The following GDF6 variants were observed in gnomAD, a reference collection of about 807,000 sequenced individuals.
The protein encoded by GDF6 is growth/differentiation factor 6.
In GDF6, 3 loss-of-function variants were observed where a neutral mutation model predicts 32.4. The observed-to-expected ratio is 0.09, with a 90% confidence interval of 0.04 to 0.24. GDF6 has a LOEUF of 0.24. Ranked by LOEUF, GDF6 falls within the 10% of genes least tolerant of loss-of-function variation. GDF6 has a pLI of 1.00. For missense variants in GDF6, 589 were observed against 637.9 expected (o/e 0.92, Z 0.83); for synonymous variants, 296 against 295.3 (o/e 1.00, Z -0.03).
At chr8:96,154,086 A>G (rs1812617073) in intron 1 of GDF6, among the ~76,000 whole-genome samples, 1 of 151,992 alleles carries the variant, frequency 6.6e-6, no homozygotes, top group African/African-American at 2.4e-5. Flanking sequence ...CTGGGCTCCT[A>G]TGTTATTAAG....
chr8:96,145,660 C>A lies in GDF6; in HGVS notation c.407-136G>T, dbSNP rs1586119035. ...GCAGTCCAGCTTGCCCGGCCCAGGG[C>A]CTGACCACCCCGGCTCCCCATCTGG... On this transcript the variant is annotated intron_variant, in intron 1 of 1. Transcript: ENST00000287020. The surrounding 1 kb of genome is among the most constrained non-coding windows in gnomAD (Gnocchi z 5.6). 9.0e-6 allele frequency: 9 copies of A among 994,496 alleles called. No individual in the cohort carries two copies. Among genetic ancestry groups the A allele is most frequent in the South Asian group, 8.5e-5 (6 of 70,256 alleles). The allele number at this position is 994,496 out of a possible 1,614,324, so 61.6% of individuals were successfully genotyped here. A position where few individuals can be genotyped will look rare whatever the true frequency, so the allele number is the denominator to read the frequency against.
rs1247737934 is a variant in GDF6, at chr8:96,145,324, C to T, written c.607G>A (p.Asp203Asn). Reference sequence around the variant, plus strand: ...CCGGCCGGCGGCGCCCCCTGCGGGTCCAGGGTCCGCGCGTCCAGCAGTAGG... The same window carrying T: ...CCGGCCGGCGGCGCCCCCTGCGGGTTCAGGGTCCGCGCGTCCAGCAGTAGG... ...SPLLLDARTL[D>N]PQGAPPAGWE... The change falls in exon 2 of 2, where the codon GAC becomes AAC. Residue 203 changes from aspartate to asparagine, a missense_variant. By Grantham distance (23) the Asp-to-Asn change is conservative. Around this residue, in one of 2 missense-constraint regions of GDF6, gnomAD observed 436 missense variants for 411.2 expected, o/e 1.06. Transcript: ENST00000287020. This position sits in a 1 kb window ranked among gnomAD's most constrained non-coding sequence, Gnocchi z 5.6. 1 of 1,536,292 alleles carries T rather than the reference C, an allele frequency of 6.5e-7. No homozygotes were observed. Among genetic ancestry groups the T allele is most frequent in the South Asian group, 1.2e-5 (1 of 84,196 alleles).
chr8:96,154,400 AG>A (rs1466039579), intron 1 of GDF6, among the ~76,000 whole-genome samples: 3 of 152,250 alleles, frequency 2.0e-5, no homozygotes, highest in African/African-American at 7.2e-5. Flanking sequence ...CTGTCTTAGA[AG>A]GCAGAGAACT....
In GDF6 at chr8:96,145,648, C is replaced by G. The variant is rs1812466536; in HGVS notation, c.407-124G>C. On this transcript the variant is annotated intron_variant, in intron 1 of 1. Coordinates refer to ENST00000287020, the MANE Select transcript of GDF6 (RefSeq NM_001001557.4). The surrounding 1 kb of genome is among the most constrained non-coding windows in gnomAD (Gnocchi z 5.6). Reference sequence around the variant, plus strand: ...CAGGTCGGCCGGGCAGTCCAGCTTGCCCGGCCCAGGGCCTGACCACCCCGG... The same window carrying G: ...CAGGTCGGCCGGGCAGTCCAGCTTGGCCGGCCCAGGGCCTGACCACCCCGG... 1 of 1,199,632 alleles carries G rather than the reference C, an allele frequency of 8.3e-7. No individual in the cohort carries two copies. The highest frequency in any genetic ancestry group is 1.5e-5 in the African/African-American group (1 of 66,542). The allele number at this position is 1,199,632 out of a possible 1,614,324, so 74.3% of individuals were successfully genotyped here. A position where few individuals can be genotyped will look rare whatever the true frequency, so the allele number is the denominator to read the frequency against.
chr8:96,159,757 C>G (rs1812727813), intron 1 of GDF6, among the ~76,000 whole-genome samples: 1 of 152,254 alleles, frequency 6.6e-6, no homozygotes, highest in African/African-American at 2.4e-5. Context: ...AAAACCCGCG[C>G]GGCGCCAGGA....
chr8:96,150,265 T>C (rs1475392126), intron 1 of GDF6, among the ~76,000 whole-genome samples: 1 of 152,104 alleles, frequency 6.6e-6, no homozygotes, highest in East Asian at 1.9e-4. Context: ...GGATAGCTAC[T>C]GGCCAGGCGT....
rs1202415304 is a variant in GDF6 at position 96,143,199 on chromosome 8, TCA to T, written c.*1362_*1363del. On this transcript the variant is annotated 3_prime_UTR_variant, in exon 2 of 2. Coordinates refer to ENST00000287020, the MANE Select transcript of GDF6 (RefSeq NM_001001557.4). ...AGCTCAATGTAACACTTGGCTCTTT[TCA>T]CAGTTTCTCATTACTAAGTTTTAAA... The T allele has an allele frequency of 6.6e-6, 1 of 152,542 alleles. No homozygotes were observed. The highest frequency in any genetic ancestry group is 1.5e-5 in the Non-Finnish European group (1 of 68,050). 9.4% of individuals were successfully genotyped at this position (152,542 alleles called of 1,614,324 possible).
At chr8:96,151,560 G>T (rs1354939999) in intron 1 of GDF6, among the ~76,000 whole-genome samples, 1 of 152,114 alleles carries the variant, frequency 6.6e-6, no homozygotes, top group Non-Finnish European at 1.5e-5. Context: ...TGGAGGGAGG[G>T]CATCAATCCC....
intron 1 of GDF6, among the ~76,000 whole-genome samples, chr8:96,154,952 G>A (rs932230334): frequency 6.6e-6 from 1 of 152,204 alleles, no homozygotes; most frequent in Non-Finnish European, 1.5e-5. Flanking sequence ...CGTTCCCCGC[G>A]GGTCCAGGTG....
intron 1 of GDF6, among the ~76,000 whole-genome samples, chr8:96,150,109 T>C (rs888796090): frequency 3.9e-5 from 6 of 152,208 alleles, no homozygotes; most frequent in Non-Finnish European, 2.9e-5. Context: ...CTTTTGAAAG[T>C]CCTAGTTGGA....
intron 1 of GDF6, among the ~76,000 whole-genome samples, chr8:96,154,295 G>A (rs1009066934): frequency 6.6e-6 from 1 of 151,996 alleles, no homozygotes; most frequent in African/African-American, 2.4e-5. Flanking sequence ...CCCTAGGAAC[G>A]TTGTCCAGCG....
intron 1 of GDF6, among the ~76,000 whole-genome samples, chr8:96,148,951 A>G (rs1812526200): frequency 6.6e-6 from 1 of 152,202 alleles, no homozygotes. Context: ...AGCTCAGAGG[A>G]GGCATCCAAC....
chr8:96,147,966 T>C (rs1156697278), intron 1 of GDF6, among the ~76,000 whole-genome samples: 1 of 152,120 alleles, frequency 6.6e-6, no homozygotes, highest in Non-Finnish European at 1.5e-5. Flanking sequence ...TCATGCAATA[T>C]GGGGGAAATC....
chr8:96,148,322 C>T (rs1250155810), intron 1 of GDF6, among the ~76,000 whole-genome samples: 1 of 152,158 alleles, frequency 6.6e-6, no homozygotes, highest in Non-Finnish European at 1.5e-5. Flanking sequence ...GTTCGATCTA[C>T]CTTTGGGGGA....
In GDF6 at chr8:96,144,837, T is replaced by C. The variant is rs993039272; in HGVS notation, c.1094A>G (p.Glu365Gly). 1 of 1,614,022 alleles carries C rather than the reference T, an allele frequency of 6.2e-7. No individual in the cohort carries two copies. ...SKKPLHVNFK[E>G]LGWDDWIIAP... ...GATAATCCAGTCGTCCCAGCCCAGC[T>C]CCTTGAAGTTCACGTGCAGGGGCTT... Residue 365 changes from glutamate to glycine, a missense_variant, in exon 2 of 2, where the codon GAG becomes GGG. Around this residue, in one of 2 missense-constraint regions of GDF6, gnomAD observed 153 missense variants for 226.7 expected, o/e 0.67. Coordinates refer to ENST00000287020, the MANE Select transcript of GDF6 (RefSeq NM_001001557.4). The surrounding 1 kb of genome is among the most constrained non-coding windows in gnomAD (Gnocchi z 5.1).
chr8:96,151,768 T>C (rs1017033087), intron 1 of GDF6, among the ~76,000 whole-genome samples: 2 of 152,216 alleles, frequency 1.3e-5, no homozygotes, highest in South Asian at 2.1e-4. Flanking sequence ...GGAATGAGCA[T>C]AGGAATTTAA....
rs1454559961 is a variant in GDF6 at position 96,145,283 on chromosome 8, G to A, written c.648C>T (p.Asp216=). ...GCTGGTGGCGCAGGCCCTGCCACAC[G>A]TCGAAGACTTCCCAGCCGGCCGGCG... ...GAPPAGWEVF[D]VWQGLRHQPW... is the part of the protein sequence containing the mutation. Residue 216 remains aspartate, a synonymous_variant, in exon 2 of 2, where the codon GAC becomes GAT. Transcript: ENST00000287020. This position sits in a 1 kb window ranked among gnomAD's most constrained non-coding sequence, Gnocchi z 5.6. 6.5e-7 allele frequency: 1 copy of A among 1,528,794 alleles called. No individual in the cohort carries two copies. The highest frequency in any genetic ancestry group is 8.7e-7 in the Non-Finnish European group (1 of 1,144,016). The allele number at this position is 1,528,794 out of a possible 1,614,324, so 94.7% of individuals were successfully genotyped here.
intron 1 of GDF6, among the ~76,000 whole-genome samples, chr8:96,146,908 ACTT>A (rs1812494919): frequency 2.0e-5 from 3 of 152,274 alleles, no homozygotes; most frequent in East Asian, 3.9e-4. Context: ...GCAAAACCGG[ACTT>A]CTTTTTTGAC....
Position 96,160,744 on chromosome 8 carries a change from G to A in GDF6, c.-52C>T, listed in dbSNP as rs762390186. 1.3e-6 allele frequency: 2 copies of A among 1,589,460 alleles called. No homozygotes were observed. The highest frequency in any genetic ancestry group is 3.4e-5 in the Admixed American group (2 of 59,528). ...GGAGGCGGTGGCGGCGGCGCAGGACGCGCGGGGCACGGAGCGGCTGGACAG... is the reference window on the plus strand; with the variant it reads ...GGAGGCGGTGGCGGCGGCGCAGGACACGCGGGGCACGGAGCGGCTGGACAG... On this transcript the variant is annotated 5_prime_UTR_variant, in exon 1 of 2. Transcript: ENST00000287020.
Sources: allele counts gnomAD v4.1 joint callset (sites outside exome capture counted in the v4.1 genomes callset), GRCh38; gene constraint gnomAD v4.1.1; regional missense constraint gnomAD v4.1.1; non-coding constraint Gnocchi (gnomAD v3.1); transcripts MANE v1.5; gene names NCBI Gene and HGNC (gene_info 2026-07-23, HGNC 2026-07-21).